PTPRJ: variants seen among roughly 807,000 people sequenced by gnomAD.
PTPRJ encodes the protein protein tyrosine phosphatase receptor type J, also known as receptor-type tyrosine-protein phosphatase eta.
Under a neutral mutation model 141.3 loss-of-function variants are expected in PTPRJ, and 129 were observed. That is an observed-to-expected ratio of 0.91 (90% CI 0.79 to 1.06). The LOEUF is 1.06. Ranked by LOEUF, PTPRJ falls within the 50% of genes least tolerant of loss-of-function variation. The probability of loss-of-function intolerance (pLI) is 0.00; values close to 1 mark genes in which losing one functional copy is unlikely to be tolerated. For synonymous variants in PTPRJ, 610 were observed against 640.5 expected, an observed-to-expected ratio of 0.95 and a Z score of 0.72; for missense variants, 1,601 against 1,679.7, an observed-to-expected ratio of 0.95 and a Z score of 0.82.
At chr11:48,138,949 A>G (rs1250734338) in intron 10 of PTPRJ, among the ~76,000 whole-genome samples, 2 of 152,182 alleles carry the variant, frequency 1.3e-5, no homozygotes, top group African/African-American at 4.8e-5. Flanking sequence ...CCTGGCTAAC[A>G]TGGTGAAACC....
At chr11:48,163,065 C>T (rs1411869832) in intron 22 of PTPRJ, among the ~76,000 whole-genome samples, 1 of 151,958 alleles carries the variant, frequency 6.6e-6, no homozygotes, top group African/African-American at 2.4e-5. Flanking sequence ...CAGGGGGGCT[C>T]GGGGATGGGG....
At chr11:48,009,544 C>T (rs574133440) in intron 1 of PTPRJ, among the ~76,000 whole-genome samples, 17 of 152,098 alleles carry the variant, frequency 1.1e-4, no homozygotes, top group South Asian at 6.2e-4. Flanking sequence ...TGTAGCGAGC[C>T]GAGATTGTGC....
At chr11:48,116,540 G>C (rs1305571405) in intron 3 of PTPRJ, among the ~76,000 whole-genome samples, 1 of 152,188 alleles carries the variant, frequency 6.6e-6, no homozygotes. Context: ...CAATAAGGAA[G>C]CATCAGACTT....
At chr11:48,139,076 T>C (rs1317354187) in intron 10 of PTPRJ, among the ~76,000 whole-genome samples, 1 of 152,036 alleles carries the variant, frequency 6.6e-6, no homozygotes, top group Non-Finnish European at 1.5e-5. Flanking sequence ...GACGTTGCGG[T>C]GAGCTGAGAT....
At chr11:48,108,463 C>T (rs1287449077) in intron 1 of PTPRJ, among the ~76,000 whole-genome samples, 2 of 152,174 alleles carry the variant, frequency 1.3e-5, no homozygotes, top group Admixed American at 1.3e-4. Flanking sequence ...AGCCATCACT[C>T]CATGGTTCTG....
intron 3 of PTPRJ, among the ~76,000 whole-genome samples, 189 bp from the exon 4 acceptor site, chr11:48,120,814 C>G (rs1856685432): frequency 6.6e-6 from 1 of 152,106 alleles, no homozygotes; most frequent in South Asian, 2.1e-4. Flanking sequence ...TTCTGTTTTA[C>G]TAACATACAC....
At chr11:48,104,574 T>A (rs189210126) in intron 1 of PTPRJ, among the ~76,000 whole-genome samples, 4 of 152,366 alleles carry the variant, frequency 2.6e-5, no homozygotes, top group Admixed American at 2.6e-4. Context: ...TTATTACCCA[T>A]CCTTAAAAGC....
chr11:48,040,013 T>G (rs1489473223), intron 1 of PTPRJ, among the ~76,000 whole-genome samples: 2 of 152,242 alleles, frequency 1.3e-5, no homozygotes, highest in African/African-American at 4.8e-5. Flanking sequence ...GGTCTTGAAC[T>G]CCTGACCTCA....
At chr11:48,033,517 A>G (rs1049504352) in intron 1 of PTPRJ, among the ~76,000 whole-genome samples, 3 of 152,168 alleles carry the variant, frequency 2.0e-5, no homozygotes, top group African/African-American at 7.2e-5. Context: ...CCTGGGATAC[A>G]AGTACCTGTT....
chr11:48,059,236 C>G (rs1854851388), intron 1 of PTPRJ, among the ~76,000 whole-genome samples: 1 of 151,394 alleles, frequency 6.6e-6, no homozygotes. Context: ...AATTCTCCTG[C>G]CTCAGCCTCC....
At chr11:48,164,207 C>A (rs1857856132) in intron 23 of PTPRJ, among the ~76,000 whole-genome samples, 173 bp from the exon 24 acceptor site, 1 of 152,192 alleles carries the variant, frequency 6.6e-6, no homozygotes, top group Non-Finnish European at 1.5e-5. Context: ...CAGTCCCAAG[C>A]TAGTGCTGTC....
At chr11:48,046,495 CTG>C (rs1854402365) in intron 1 of PTPRJ, among the ~76,000 whole-genome samples, 1 of 152,140 alleles carries the variant, frequency 6.6e-6, no homozygotes, top group Non-Finnish European at 1.5e-5. Flanking sequence ...GGTATCTACT[CTG>C]TGCTGGGCCC....
intron 1 of PTPRJ, among the ~76,000 whole-genome samples, chr11:47,985,856 A>G (rs983919035): frequency 6.6e-6 from 1 of 152,102 alleles, no homozygotes; most frequent in African/African-American, 2.4e-5. Flanking sequence ...GTGCGCTACC[A>G]TGCGCAGCTA....
chr11:48,113,011 G>A (rs1565309198), intron 3 of PTPRJ, 28 bp downstream of exon 3: 2 of 1,530,758 alleles, frequency 1.3e-6, no homozygotes, highest in Admixed American at 1.8e-5. Flanking sequence ...TGCCAGTCAT[G>A]TTTCTTAAAG....
At chr11:48,110,762 C>G (rs1355699382) in intron 2 of PTPRJ, among the ~76,000 whole-genome samples, 1 of 152,184 alleles carries the variant, frequency 6.6e-6, no homozygotes, top group Non-Finnish European at 1.5e-5. Context: ...GGAAGATCGT[C>G]ATAACCTTTG....
At chr11:48,038,826 A>G (rs1854194253) in intron 1 of PTPRJ, among the ~76,000 whole-genome samples, 1 of 149,390 alleles carries the variant, frequency 6.7e-6, no homozygotes, top group East Asian at 2.0e-4. Context: ...TTCCTAATAA[A>G]CTTGCTATCA....
chr11:48,107,367 C>T (rs943198340), intron 1 of PTPRJ, among the ~76,000 whole-genome samples: 2 of 152,144 alleles, frequency 1.3e-5, no homozygotes, highest in Admixed American at 6.6e-5. Context: ...GAAGGCTCAC[C>T]GGCGAGGGGT....
intron 9 of PTPRJ, 135 bp downstream of exon 9, chr11:48,136,431 C>A: frequency 1.8e-6 from 2 of 1,090,592 alleles, no homozygotes; most frequent in Non-Finnish European, 2.7e-6. Flanking sequence ...AAACATTGGT[C>A]TCAGCAATGG....
intron 24 of PTPRJ, 104 bp from the exon 25 acceptor site, chr11:48,167,100 G>T (rs1857933280): frequency 1.9e-6 from 2 of 1,066,794 alleles, no homozygotes; most frequent in Non-Finnish European, 2.8e-6. Context: ...GGTGGATGGG[G>T]TTTGGGAGTT....
Sources: allele counts gnomAD v4.1 joint callset (sites outside exome capture counted in the v4.1 genomes callset), GRCh38; gene constraint gnomAD v4.1.1; transcripts MANE v1.5; gene names NCBI Gene and HGNC (gene_info 2026-07-23, HGNC 2026-07-21).